The following CPAMD8 variants were observed in gnomAD, a reference collection of about 807,000 sequenced individuals.
The protein encoded by CPAMD8 is C3 and PZP like alpha-2-macroglobulin domain containing 8.
Under a neutral mutation model 224.7 loss-of-function variants are expected in CPAMD8, and 146 were observed. The observed-to-expected ratio is 0.65, with a 90% CI of 0.57 to 0.75. CPAMD8 has a LOEUF of 0.75. Ranked by LOEUF, CPAMD8 falls within the 30% of genes least tolerant of loss-of-function variation. The probability of loss-of-function intolerance (pLI) is 0.00; values close to 1 mark genes in which losing one functional copy is unlikely to be tolerated. For synonymous variants in CPAMD8, 966 were observed against 1,044.6 expected, an observed-to-expected ratio of 0.92 and a Z score of 1.45; for missense variants, 2,301 against 2,537.5, an observed-to-expected ratio of 0.91 and a Z score of 2.00.
At chr19:17,012,683 T>C (rs1200178955) in intron 3 of CPAMD8, among the ~76,000 whole-genome samples, 1 of 152,192 alleles carries the variant, frequency 6.6e-6, no homozygotes, top group African/African-American at 2.4e-5. Context: ...ACTGGTCTAG[T>C]TATGGAGCCT....
At chr19:16,954,339 A>G (rs1205440990) in intron 19 of CPAMD8, among the ~76,000 whole-genome samples, 1 of 151,894 alleles carries the variant, frequency 6.6e-6, no homozygotes, top group African/African-American at 2.4e-5. Flanking sequence ...TCTCAAAAAA[A>G]AAAAAAAAGA....
At chr19:16,922,247 C>T (rs2053203601) in intron 26 of CPAMD8, among the ~76,000 whole-genome samples, 2 of 151,820 alleles carry the variant, frequency 1.3e-5, no homozygotes, top group Non-Finnish European at 2.9e-5. Flanking sequence ...TAAAACTGCT[C>T]CACACCACAT....
At chr19:17,009,174 G>A in intron 6 of CPAMD8, 129 bp downstream of exon 6, 2 of 1,519,360 alleles carry the variant, frequency 1.3e-6, no homozygotes, top group Non-Finnish European at 1.8e-6. Context: ...GAAGAGGCCA[G>A]GTCCCAGCCT....
chr19:16,912,513 C>A (rs1469840753), intron 29 of CPAMD8, among the ~76,000 whole-genome samples: 1 of 152,168 alleles, frequency 6.6e-6, no homozygotes, highest in African/African-American at 2.4e-5. Context: ...CTTTGGGAGG[C>A]CAAGGCAGGA....
chr19:16,904,186 C>T, intron 32 of CPAMD8, 40 bp downstream of exon 32: 1 of 1,372,984 alleles, frequency 7.3e-7, no homozygotes, highest in Non-Finnish European at 1.0e-6. Context: ...ACCCCACCCA[C>T]CCAGCCCTGA....
intron 29 of CPAMD8, among the ~76,000 whole-genome samples, chr19:16,913,413 A>G (rs1430678771): frequency 2.0e-5 from 3 of 152,118 alleles, no homozygotes; most frequent in Non-Finnish European, 2.9e-5. Context: ...GAGGAAGAGC[A>G]CTAGAGCTCT....
intron 24 of CPAMD8, 45 bp from the exon 25 acceptor site, chr19:16,928,279 C>T: frequency 1.3e-6 from 2 of 1,525,754 alleles, no homozygotes; most frequent in Non-Finnish European, 1.8e-6. Context: ...AGGAAGCAGG[C>T]AGTAGGCACT....
At chr19:16,913,723 T>C (rs8102899) in intron 29 of CPAMD8, among the ~76,000 whole-genome samples, 35,334 of 152,038 alleles carry the variant, frequency 0.23, 4,483 homozygotes, top group Non-Finnish European at 0.27. Flanking sequence ...ACATTGTGCA[T>C]GGTGGGGGCG....
At chr19:16,919,441 A>G (rs1363014188) in intron 27 of CPAMD8, among the ~76,000 whole-genome samples, 1 of 152,180 alleles carries the variant, frequency 6.6e-6, no homozygotes, top group Non-Finnish European at 1.5e-5. Context: ...CAATTTGGAA[A>G]CAAATCTTCC....
At chr19:17,011,206 A>G (rs1021991090) in intron 5 of CPAMD8, among the ~76,000 whole-genome samples, 3 of 152,048 alleles carry the variant, frequency 2.0e-5, no homozygotes, top group Non-Finnish European at 4.4e-5. Context: ...TGGGGAAAAA[A>G]AAAAAATTAA....
chr19:16,972,805 AGT>A (rs1364476953), intron 17 of CPAMD8, among the ~76,000 whole-genome samples: 6 of 152,174 alleles, frequency 3.9e-5, no homozygotes, highest in South Asian at 2.1e-4. Context: ...AGGGACCTGG[AGT>A]TCAAACTGCC....
chr19:17,004,695 C>T (rs1437304126), intron 7 of CPAMD8, among the ~76,000 whole-genome samples: 1 of 152,120 alleles, frequency 6.6e-6, no homozygotes, highest in Non-Finnish European at 1.5e-5. Context: ...AATGAGCCAG[C>T]CCGGCTCATT....
chr19:16,904,176 A>AGGGGCCCCCCCCCCCCCCCCCCCCCCC, intron 32 of CPAMD8, 50 bp downstream of exon 32: 1 of 937,336 alleles, frequency 1.1e-6, no homozygotes, highest in Non-Finnish European at 1.7e-6. Flanking sequence ...GACTGCAGGG[A>AGGGGCCCCCCCCCCCCCCCCCCCCCCC]CCCCACCCAC....
At chr19:16,978,657 C>T (rs1213095807) in intron 14 of CPAMD8, among the ~76,000 whole-genome samples, 4 of 152,092 alleles carry the variant, frequency 2.6e-5, no homozygotes, top group Non-Finnish European at 5.9e-5. Flanking sequence ...ATTCAGCATC[C>T]TACAGTGCAT....
intron 9 of CPAMD8, 30 bp downstream of exon 9, chr19:17,002,236 C>T: frequency 2.1e-6 from 3 of 1,442,924 alleles, no homozygotes; most frequent in South Asian, 1.2e-5. Flanking sequence ...AGGGCCCCCC[C>T]AGTGTGCCCC....
intron 28 of CPAMD8, 71 bp downstream of exon 28, chr19:16,914,586 A>G (rs2052864478): frequency 6.2e-7 from 1 of 1,611,782 alleles, no homozygotes; most frequent in African/African-American, 1.3e-5. Context: ...GGGAGTAGGA[A>G]CAGGCAGGTC....
intron 23 of CPAMD8, among the ~76,000 whole-genome samples, chr19:16,929,781 C>A (rs1014487723): frequency 3.9e-5 from 6 of 152,092 alleles, no homozygotes; most frequent in African/African-American, 9.7e-5. Flanking sequence ...TTGAAAATTG[C>A]AAAAGGCTGA....
At chr19:17,009,444 C>T in intron 5 of CPAMD8, 124 bp from the exon 6 acceptor site, 2 of 1,521,596 alleles carry the variant, frequency 1.3e-6, no homozygotes, top group South Asian at 1.2e-5. Context: ...ACAGTGTCCC[C>T]CTAGATTACA....
At chr19:16,951,302 C>T (rs959460238) in intron 20 of CPAMD8, among the ~76,000 whole-genome samples, 2 of 152,086 alleles carry the variant, frequency 1.3e-5, no homozygotes, top group East Asian at 1.9e-4. Flanking sequence ...ACCGGATCCA[C>T]CACCTGTCTT....
Sources: allele counts gnomAD v4.1 joint callset (sites outside exome capture counted in the v4.1 genomes callset), GRCh38; gene constraint gnomAD v4.1.1; transcripts MANE v1.5; gene names NCBI Gene and HGNC (gene_info 2026-07-23, HGNC 2026-07-21).